The following FHIP1A variants were observed in gnomAD, a reference collection of about 807,000 sequenced individuals.
The protein encoded by FHIP1A is FHF complex subunit HOOK-interacting protein 1A.
Under a neutral mutation model 88.6 loss-of-function variants are expected in FHIP1A, and 61 were observed. That is an observed-to-expected ratio of 0.69 (90% CI 0.56 to 0.85). The LOEUF (loss-of-function observed/expected upper bound fraction) is 0.85, where lower values mean the gene tolerates loss of function less well. FHIP1A is among the 40% of genes least tolerant of loss of function. FHIP1A has a pLI of 0.00. For synonymous variants in FHIP1A, 478 were observed against 496.0 expected (o/e 0.96, Z 0.48); for missense variants, 1,154 against 1,273.5 (o/e 0.91, Z 1.43).
At chr4:151,564,202 TGAA>T (rs1400502146) in intron 3 of FHIP1A, among the ~76,000 whole-genome samples, 1 of 152,254 alleles carries the variant, frequency 6.6e-6, no homozygotes, top group Admixed American at 6.5e-5. Flanking sequence ...TTCATACCTT[TGAA>T]GAAGAATCTT....
intron 3 of FHIP1A, among the ~76,000 whole-genome samples, chr4:151,498,906 C>T (rs904566478): frequency 2.6e-5 from 4 of 152,162 alleles, no homozygotes; most frequent in African/African-American, 9.7e-5. Flanking sequence ...GTTTTTCTGC[C>T]TGTTGGTATC....
At chr4:151,531,471 G>A (rs1731874642) in intron 3 of FHIP1A, among the ~76,000 whole-genome samples, 1 of 149,850 alleles carries the variant, frequency 6.7e-6, no homozygotes, top group Non-Finnish European at 1.5e-5. Context: ...CTTGATTTTT[G>A]TAGAATCCCT....
intron 4 of FHIP1A, among the ~76,000 whole-genome samples, chr4:151,571,483 A>G (rs543212579): frequency 1.3e-5 from 2 of 152,324 alleles, no homozygotes; most frequent in African/African-American, 4.8e-5. Flanking sequence ...AATTAAGTCA[A>G]ATGTCTTCCC....
chr4:151,410,820 C>A (rs1259098217), intron 1 of FHIP1A, among the ~76,000 whole-genome samples: 1 of 152,226 alleles, frequency 6.6e-6, no homozygotes, highest in African/African-American at 2.4e-5. Flanking sequence ...AGGTTGATAT[C>A]TTTTTAGTTC....
chr4:151,532,419 G>T (rs1428166345), intron 3 of FHIP1A, among the ~76,000 whole-genome samples: 2 of 152,174 alleles, frequency 1.3e-5, no homozygotes, highest in Non-Finnish European at 2.9e-5. Context: ...CATGGACAAG[G>T]TACTCTTTCT....
chr4:151,626,026 C>A (rs1255122658), intron 7 of FHIP1A, among the ~76,000 whole-genome samples: 3 of 152,134 alleles, frequency 2.0e-5, no homozygotes, highest in African/African-American at 7.2e-5. Context: ...GGCTACTGCT[C>A]ACAGTCAGAA....
chr4:151,432,229 A>G (rs1364774295), intron 1 of FHIP1A, among the ~76,000 whole-genome samples: 1 of 152,228 alleles, frequency 6.6e-6, no homozygotes, highest in Non-Finnish European at 1.5e-5. Flanking sequence ...ACCAACTCAC[A>G]GAGCTTTTAA....
chr4:151,438,396 A>C (rs1021943649), intron 1 of FHIP1A, among the ~76,000 whole-genome samples: 9 of 152,200 alleles, frequency 5.9e-5, no homozygotes, highest in Non-Finnish European at 8.8e-5. Flanking sequence ...CTAGTAACCT[A>C]GCGGGGCACC....
chr4:151,559,453 G>C (rs1733085413), intron 3 of FHIP1A, among the ~76,000 whole-genome samples: 1 of 152,158 alleles, frequency 6.6e-6, no homozygotes, highest in Admixed American at 6.5e-5. Flanking sequence ...GCCACCTTAA[G>C]AGTTCTTGTG....
intron 3 of FHIP1A, among the ~76,000 whole-genome samples, chr4:151,511,058 G>A (rs1399529142): frequency 6.6e-6 from 1 of 152,104 alleles, no homozygotes; most frequent in Non-Finnish European, 1.5e-5. Context: ...AGGCTACTCT[G>A]GAAAACATGG....
chr4:151,472,415 T>C (rs1729553601), intron 2 of FHIP1A, among the ~76,000 whole-genome samples: 1 of 152,088 alleles, frequency 6.6e-6, no homozygotes, highest in Non-Finnish European at 1.5e-5. Flanking sequence ...ACTTGGTCCA[T>C]TTTTTTGACT....
chr4:151,573,043 T>A (rs913945335), intron 4 of FHIP1A, among the ~76,000 whole-genome samples: 1 of 152,216 alleles, frequency 6.6e-6, no homozygotes, highest in African/African-American at 2.4e-5. Flanking sequence ...TAGGAGTATC[T>A]GATACTACTT....
At chr4:151,504,645 G>A (rs988653327) in intron 3 of FHIP1A, among the ~76,000 whole-genome samples, 10 of 150,156 alleles carry the variant, frequency 6.7e-5, no homozygotes, top group Admixed American at 2.0e-4. Flanking sequence ...ATTTTGAGAC[G>A]GAGTCTTGTT....
chr4:151,495,222 G>A (rs1227836153), intron 3 of FHIP1A, among the ~76,000 whole-genome samples: 1 of 152,112 alleles, frequency 6.6e-6, no homozygotes, highest in Non-Finnish European at 1.5e-5. Context: ...ATGGAAAGGG[G>A]CCGAGTGTGG....
intron 7 of FHIP1A, among the ~76,000 whole-genome samples, chr4:151,603,943 C>T (rs897045062): frequency 5.9e-5 from 9 of 152,214 alleles, no homozygotes; most frequent in Non-Finnish European, 5.9e-5. Flanking sequence ...GATTATCTCA[C>T]ACAAAACTGC....
chr4:151,571,442 A>G (rs772105082), intron 4 of FHIP1A, among the ~76,000 whole-genome samples: 2 of 152,182 alleles, frequency 1.3e-5, no homozygotes, highest in African/African-American at 2.4e-5. Flanking sequence ...GGGGGTAGGG[A>G]TGGGAAAAAA....
chr4:151,488,117 A>G (rs1177108712), intron 3 of FHIP1A, among the ~76,000 whole-genome samples: 4 of 152,170 alleles, frequency 2.6e-5, no homozygotes, highest in Non-Finnish European at 2.9e-5. Flanking sequence ...TGACTGGTGT[A>G]TTCTGATCAT....
intron 1 of FHIP1A, among the ~76,000 whole-genome samples, chr4:151,436,687 A>G (rs1728217058): frequency 6.6e-6 from 1 of 152,210 alleles, no homozygotes; most frequent in South Asian, 2.1e-4. Flanking sequence ...AAGTGGAAGA[A>G]TATAAACCTG....
chr4:151,436,497 A>G (rs2126550231), intron 1 of FHIP1A: 1 of 152,104 alleles, frequency 6.6e-6, no homozygotes, highest in Non-Finnish European at 1.5e-5. Flanking sequence ...CTCTCATTCT[A>G]CCTTGTGGCT....
Sources: allele counts gnomAD v4.1 joint callset (sites outside exome capture counted in the v4.1 genomes callset), GRCh38; gene constraint gnomAD v4.1.1; transcripts MANE v1.5; gene names NCBI Gene and HGNC (gene_info 2026-07-23, HGNC 2026-07-21).